The following PRSS35 variants were observed in gnomAD, a reference collection of about 807,000 sequenced individuals.
PRSS35 encodes the protein inactive serine protease 35.
Under a neutral mutation model 8.1 loss-of-function variants are expected in PRSS35, and 7 were observed. That is an observed-to-expected ratio of 0.86 (90% CI 0.49 to 1.62). PRSS35 has a LOEUF of 1.62. Ranked by LOEUF, PRSS35 falls within the 40% of genes most tolerant of loss-of-function variation. PRSS35 has a pLI of 0.00. For synonymous variants in PRSS35, 199 were observed against 188.7 expected, an observed-to-expected ratio of 1.05 and a Z score of -0.45; for missense variants, 566 against 518.0, an observed-to-expected ratio of 1.09 and a Z score of -0.90.
chr6:83,513,284 T>C (rs1454560785), intron 1 of PRSS35, among the ~76,000 whole-genome samples: 1 of 152,238 alleles, frequency 6.6e-6, no homozygotes, highest in East Asian at 1.9e-4. Flanking sequence ...TGTACTTTTC[T>C]CTCAACTTAA....
chr6:83,513,388 C>T (rs897927841), intron 1 of PRSS35, among the ~76,000 whole-genome samples: 3 of 152,206 alleles, frequency 2.0e-5, no homozygotes, highest in Non-Finnish European at 4.4e-5. Context: ...ATTGCTCTGA[C>T]ATTTTTACAC....
intron 1 of PRSS35, among the ~76,000 whole-genome samples, chr6:83,520,384 C>T (rs1267686952): frequency 1.3e-5 from 2 of 152,166 alleles, no homozygotes; most frequent in East Asian, 3.9e-4. Flanking sequence ...ACCACCCTTT[C>T]AGGAGAGTTT....
In PRSS35 at chr6:83,520,924, A is replaced by G. The variant is rs555832868; in HGVS notation, c.-20-2498A>G. ...CAAGTGTATTGCTCCTCAGATCATT[A>G]GTACCAAGCATTAAGATATACCAAA... On this transcript the variant is annotated intron_variant, in intron 1 of 1. Coordinates refer to ENST00000369700, the MANE Select transcript of PRSS35 (RefSeq NM_153362.3). Among the ~76,000 whole-genome samples the G allele has an allele frequency of 3.9e-5, 6 of 152,280 alleles. No individual in the cohort carries two copies. The East Asian group carries it at 9.7e-4, about 25-fold the overall frequency.
intron 1 of PRSS35, among the ~76,000 whole-genome samples, chr6:83,517,661 T>G (rs1771748851): frequency 6.6e-6 from 1 of 152,052 alleles, no homozygotes; most frequent in Non-Finnish European, 1.5e-5. Context: ...CAATCCTGAG[T>G]AGGTGGAGGA....
chr6:83,522,547 A>G (rs186765563), intron 1 of PRSS35, among the ~76,000 whole-genome samples: 172 of 152,306 alleles, frequency 1.1e-3, no homozygotes, highest in African/African-American at 4.1e-3. Flanking sequence ...ATATCTAACC[A>G]TTCTCATGTC....
intron 1 of PRSS35, among the ~76,000 whole-genome samples, chr6:83,519,763 G>T (rs1042104002): frequency 6.6e-6 from 1 of 152,178 alleles, no homozygotes; most frequent in Admixed American, 6.5e-5. Flanking sequence ...CATACCCAAG[G>T]GTAGACGTGG....
Position 83,523,567 on chromosome 6 carries a change from T to C in PRSS35, c.126T>C (p.Thr42=). 1 of 1,614,206 alleles carries C rather than the reference T, an allele frequency of 6.2e-7. No homozygotes were observed. Among genetic ancestry groups the C allele is most frequent in the Non-Finnish European group, 8.5e-7 (1 of 1,180,038 alleles). The part of the protein sequence containing the change: ...RKVPRIVSER[T]FHLTSPAFEA... The stretch of plus-strand genomic sequence containing the variant: ...TACCCCGGATTGTCAGTGAAAGGAC[T>C]TTCCATCTCACCAGCCCCGCATTTG... Residue 42 remains threonine, a synonymous_variant, in exon 2 of 2, where the codon ACT becomes ACC. Transcript: ENST00000369700.
At chr6:83,516,465 A>T in intron 1 of PRSS35, among the ~76,000 whole-genome samples, 1 of 151,442 alleles carries the variant, frequency 6.6e-6, no homozygotes, top group East Asian at 2.0e-4. Context: ...AGTCCCAGCT[A>T]CTGGGGAGGC....
chr6:83,524,610 G>T lies in PRSS35; in HGVS notation c.1169G>T (p.Arg390Leu), dbSNP rs747045465. 1.2e-6 allele frequency: 2 copies of T among 1,614,062 alleles called. No homozygotes were observed. Among genetic ancestry groups the T allele is most frequent in the Non-Finnish European group, 1.7e-6 (2 of 1,180,012 alleles). The change falls in exon 2 of 2, where the codon CGC (arginine) becomes CTC (leucine). Residue 390 changes from arginine (R) to leucine (L), a missense_variant. Transcript: ENST00000369700. ...CAGAAGGACTACAACGTTGCTGTTC[G>T]CATCACTCCCCTAAAATACGCCCAG... is the stretch of plus-strand genomic sequence containing the variant. ...GVQKDYNVAV[R>L]ITPLKYAQIC... is the part of the protein sequence containing the mutation.
rs1771908161 is a variant in PRSS35, at chr6:83,524,787, G to A, written c.*104G>A. On this transcript the variant is annotated 3_prime_UTR_variant, in exon 2 of 2. Coordinates refer to ENST00000369700, the MANE Select transcript of PRSS35 (RefSeq NM_153362.3). The stretch of plus-strand genomic sequence containing the variant: ...TAGGTTATGCCTGGACTTGAACTCT[G>A]TCAATAGCATTTCAACATTTTTCAA... 8.5e-7 allele frequency: 1 copy of A among 1,172,352 alleles called. No homozygotes were observed. Among genetic ancestry groups the A allele is most frequent in the Non-Finnish European group, 1.2e-6 (1 of 849,508 alleles). 72.6% of individuals were successfully genotyped at this position (1,172,352 alleles called of 1,614,324 possible).
chr6:83,520,150 C>T (rs1771794729), intron 1 of PRSS35, among the ~76,000 whole-genome samples: 1 of 152,070 alleles, frequency 6.6e-6, no homozygotes, highest in Non-Finnish European at 1.5e-5. Context: ...TTGTCAGTTG[C>T]TAACATAGTA....
intron 1 of PRSS35, among the ~76,000 whole-genome samples, chr6:83,518,342 A>G (rs1332109811): frequency 6.6e-6 from 1 of 152,158 alleles, no homozygotes; most frequent in Non-Finnish European, 1.5e-5. Flanking sequence ...TCACTCCCTT[A>G]GAGTAATTAT....
chr6:83,513,732 C>G (rs1771664871), intron 1 of PRSS35, among the ~76,000 whole-genome samples: 1 of 151,900 alleles, frequency 6.6e-6, no homozygotes, highest in Non-Finnish European at 1.5e-5. Flanking sequence ...CATTTTTCTT[C>G]CAGATAGCTG....
At position 83,524,850 on chromosome 6, in the gene PRSS35, T is replaced by G; in HGVS notation, c.*167T>G. 3 of 724,972 alleles carry G rather than the reference T, an allele frequency of 4.1e-6. No homozygotes were observed. The highest frequency in any genetic ancestry group is 6.6e-6 in the Non-Finnish European group (3 of 452,986). The allele number at this position is 724,972 out of a possible 1,614,324, so 44.9% of individuals were successfully genotyped here. ...TTCGTCCATTTAAAAAATGTATAGGTGCAGATATTGAAACTAGGTGGGCAC... is the reference window on the plus strand; with the variant it reads ...TTCGTCCATTTAAAAAATGTATAGGGGCAGATATTGAAACTAGGTGGGCAC... On this transcript the variant is annotated 3_prime_UTR_variant, in exon 2 of 2. Coordinates refer to ENST00000369700, the MANE Select transcript of PRSS35 (RefSeq NM_153362.3).
intron 1 of PRSS35, among the ~76,000 whole-genome samples, chr6:83,519,535 G>C (rs1444684188): frequency 6.6e-6 from 1 of 152,186 alleles, no homozygotes; most frequent in African/African-American, 2.4e-5. Flanking sequence ...ATGGGCATAT[G>C]TAGATGTCTC....
chr6:83,519,337 A>C (rs190291577), intron 1 of PRSS35, among the ~76,000 whole-genome samples: 1 of 152,326 alleles, frequency 6.6e-6, no homozygotes, highest in Admixed American at 6.5e-5. Flanking sequence ...TCATTAACCA[A>C]AATTGGAATT....
chr6:83,523,986 A>AAAAGCT lies in PRSS35; in HGVS notation c.548_553dup (p.Lys183_Leu184dup), dbSNP rs1562035325. 7 of 1,614,168 alleles carry AAAAGCT rather than the reference A, an allele frequency of 4.3e-6. No individual in the cohort carries two copies. The highest frequency in any genetic ancestry group is 5.9e-6 in the Non-Finnish European group (7 of 1,180,044). ...GGAAAGGACTATGTCAAAGGGAGTA[A>AAAAGCT]AAAGCTAAGGGTAGGGTTGTTGAAG... On this transcript the variant is annotated inframe_insertion, in exon 2 of 2. Coordinates refer to ENST00000369700, the MANE Select transcript of PRSS35 (RefSeq NM_153362.3).
At chr6:83,521,801 C>T (rs1047960600) in intron 1 of PRSS35, among the ~76,000 whole-genome samples, 1 of 152,038 alleles carries the variant, frequency 6.6e-6, no homozygotes, top group African/African-American at 2.4e-5. Flanking sequence ...CACACCCGGC[C>T]TGCTTAATAT....
rs538240358 is a variant in PRSS35, at chr6:83,523,908, G to C, written c.467G>C (p.Gly156Ala). ...TAVKLSTGCS[G>A]ILISPQHVLT... Reference sequence around the variant, plus strand: ...GTGAAGCTTTCCACGGGCTGTAGTGGCATTCTCATTTCCCCTCAGCATGTT... The same window carrying C: ...GTGAAGCTTTCCACGGGCTGTAGTGCCATTCTCATTTCCCCTCAGCATGTT... The change falls in exon 2 of 2, where the codon GGC becomes GCC. Residue 156 changes from glycine to alanine, a missense_variant. By Grantham distance (60) the Gly-to-Ala change is moderately conservative (BLOSUM62 0). Transcript: ENST00000369700. 1 of 1,614,180 alleles carries C rather than the reference G, an allele frequency of 6.2e-7. No homozygotes were observed. Among genetic ancestry groups the C allele is most frequent in the East Asian group, 2.2e-5 (1 of 44,884 alleles).
Sources: gnomAD v4.1 joint callset for allele counts (sites outside exome capture counted in the v4.1 genomes callset) on GRCh38, gnomAD v4.1.1 for gene constraint, MANE v1.5 for transcripts, NCBI Gene and HGNC (gene_info 2026-07-23, HGNC 2026-07-21) for gene names.